The following NUP155 variants were observed in gnomAD, a reference collection of about 807,000 sequenced individuals.
The protein encoded by NUP155 is nucleoporin 155.
NUP155 carries 71 observed loss-of-function variants against 180.4 expected under a neutral mutation model. That is an observed-to-expected ratio of 0.39 (90% confidence interval 0.33 to 0.48). The LOEUF (loss-of-function observed/expected upper bound fraction) is 0.48, where lower values mean the gene tolerates loss of function less well. NUP155 is among the 20% of genes least tolerant of loss of function. The pLI, the probability that NUP155 is intolerant of heterozygous loss-of-function variation, is 0.91. For missense variants in NUP155, 1,553 were observed against 1,648.9 expected (o/e 0.94, Z 1.01); for synonymous variants, 582 against 559.5 (o/e 1.04, Z -0.57).
chr5:37,294,561 C>A, intron 32 of NUP155, 96 bp from the exon 33 acceptor site: 1 of 1,245,070 alleles, frequency 8.0e-7, no homozygotes, highest in Non-Finnish European at 1.2e-6. Flanking sequence ...AGGGGGATAT[C>A]TTCTGAAATC....
At chr5:37,348,441 G>C in intron 9 of NUP155, 64 bp downstream of exon 9, 2 of 1,005,274 alleles carry the variant, frequency 2.0e-6, no homozygotes, top group Non-Finnish European at 3.2e-6. Context: ...ACTTTTAGAA[G>C]GCTACACACA....
rs942154415 is a variant in NUP155, at chr5:37,365,426, C to T, written c.158-1042G>A. ...TCATGCACCACATAAATATATACAC[C>T]GTTGGGCGCGGTAGCTCACGCCTGT... On this transcript the variant is annotated intron_variant, in intron 1 of 34. Transcript: ENST00000231498. 6.0e-5 allele frequency among the ~76,000 whole-genome samples: 9 copies of T among 150,090 alleles called. No homozygotes were observed. In the South Asian group the frequency reaches 1.1e-3, roughly 18 times the overall value.
At position 37,330,018 on chromosome 5, in the gene NUP155, C is replaced by G. The variant is rs184500356; in HGVS notation, c.1724+20G>C. ...CCCAGTAAAAAAACAAATAAATAAA[C>G]AAGAAAAACTTTCACATACCTAAAG... On this transcript the variant is annotated intron_variant, in intron 15 of 34. Coordinates refer to ENST00000231498, the MANE Select transcript of NUP155 (RefSeq NM_153485.3). 1 of 1,556,526 alleles carries G rather than the reference C, an allele frequency of 6.4e-7. No homozygotes were observed.
chr5:37,301,973 T>C (rs1742887152), intron 29 of NUP155, among the ~76,000 whole-genome samples: 1 of 152,176 alleles, frequency 6.6e-6, no homozygotes, highest in East Asian at 1.9e-4. Flanking sequence ...CCCTAGGGAA[T>C]GGTAGTGCCA....
chr5:37,368,501 G>C (rs1209609372), intron 1 of NUP155, among the ~76,000 whole-genome samples: 1 of 152,040 alleles, frequency 6.6e-6, no homozygotes, highest in Non-Finnish European at 1.5e-5. Flanking sequence ...CCAAAGTGCT[G>C]AGACTATTGG....
At chr5:37,301,798 G>A (rs1742876930) in intron 29 of NUP155, among the ~76,000 whole-genome samples, 1 of 152,200 alleles carries the variant, frequency 6.6e-6, no homozygotes, top group Non-Finnish European at 1.5e-5. Flanking sequence ...CAAATGGTTA[G>A]ACTATACAGC....
chr5:37,311,213 A>C (rs537754003), intron 22 of NUP155, among the ~76,000 whole-genome samples: 1 of 152,178 alleles, frequency 6.6e-6, no homozygotes, highest in African/African-American at 2.4e-5. Flanking sequence ...ATAGTAAAAG[A>C]TTCTGTTAGT....
chr5:37,342,325 A>C (rs1418784124), intron 10 of NUP155: 1 of 458,516 alleles, frequency 2.2e-6, no homozygotes, highest in Non-Finnish European at 4.0e-6. Flanking sequence ...AGGATTACAA[A>C]TGTGAGCTAC....
At chr5:37,359,216 A>C (rs1185673429) in intron 3 of NUP155, among the ~76,000 whole-genome samples, 1 of 150,828 alleles carries the variant, frequency 6.6e-6, no homozygotes, top group East Asian at 1.9e-4. Context: ...ATATAATGAA[A>C]AAATAAACAA....
At chr5:37,365,758 C>T (rs757683287) in intron 1 of NUP155, among the ~76,000 whole-genome samples, 9,935 of 55,276 alleles carry the variant, frequency 0.18, 1,793 homozygotes, top group Non-Finnish European at 0.26. Context: ...TATATACACA[C>T]ACACACACAC....
At chr5:37,310,503 C>T (rs1190816864) in intron 23 of NUP155, 49 bp downstream of exon 23, 1 of 1,474,446 alleles carries the variant, frequency 6.8e-7, no homozygotes, top group East Asian at 2.3e-5. Flanking sequence ...GTTCATCATA[C>T]ATGATACCTC....
intron 9 of NUP155, among the ~76,000 whole-genome samples, chr5:37,345,676 G>A (rs866640555): frequency 5.9e-5 from 9 of 152,048 alleles, no homozygotes; most frequent in Admixed American, 2.6e-4. Flanking sequence ...AGGCCAAGGC[G>A]CGCAGATAAC....
intron 9 of NUP155, among the ~76,000 whole-genome samples, chr5:37,343,862 G>C (rs913907392): frequency 6.6e-6 from 1 of 152,072 alleles, no homozygotes; most frequent in African/African-American, 2.4e-5. Flanking sequence ...CTGCAGTCCA[G>C]CCTGGGCAAC....
At chr5:37,358,197 G>T in intron 3 of NUP155, 46 bp from the exon 4 acceptor site, 1 of 1,322,950 alleles carries the variant, frequency 7.6e-7, no homozygotes, top group Non-Finnish European at 1.1e-6. Context: ...AAAGCAAATA[G>T]GCCAGATGTG....
chr5:37,360,716 G>A (rs921094845), intron 3 of NUP155, among the ~76,000 whole-genome samples: 1 of 150,452 alleles, frequency 6.6e-6, no homozygotes, highest in Non-Finnish European at 1.5e-5. Flanking sequence ...AACCCAGGAG[G>A]TTGAGGCTGC....
chr5:37,358,200 C>T (rs780037618), intron 3 of NUP155, 49 bp from the exon 4 acceptor site: 2 of 1,300,146 alleles, frequency 1.5e-6, no homozygotes, highest in Non-Finnish European at 1.1e-6. Flanking sequence ...GCAAATAGGC[C>T]AGATGTGGTG....
intron 9 of NUP155, among the ~76,000 whole-genome samples, chr5:37,344,903 G>T (rs562172382): frequency 6.6e-6 from 1 of 151,188 alleles, no homozygotes; most frequent in Non-Finnish European, 1.5e-5. Context: ...TTGGGGGCAC[G>T]GTGGTTCACA....
At chr5:37,370,651 A>G (rs965727588) in intron 1 of NUP155, 170 bp downstream of exon 1, 3 of 1,574,468 alleles carry the variant, frequency 1.9e-6, no homozygotes, top group African/African-American at 2.7e-5. Context: ...GAAGAAAGTG[A>G]GGAAAGGAAA....
chr5:37,295,061 T>TCC (rs1171217995), intron 32 of NUP155, among the ~76,000 whole-genome samples: 1 of 152,164 alleles, frequency 6.6e-6, no homozygotes, highest in Admixed American at 6.6e-5. Flanking sequence ...CCTCTCCCTG[T>TCC]CCCTCTCCCC....
Sources: allele counts gnomAD v4.1 joint callset (sites outside exome capture counted in the v4.1 genomes callset), GRCh38; gene constraint gnomAD v4.1.1; transcripts MANE v1.5; gene names NCBI Gene and HGNC (gene_info 2026-07-23, HGNC 2026-07-21).